LIN9: variants seen among roughly 807,000 people sequenced by gnomAD.
LIN9 encodes protein lin-9 homolog.
A neutral mutation model predicts 78.0 loss-of-function variants in LIN9; 18 were observed. The ratio of observed to expected loss-of-function variants is 0.23; its 90% CI spans 0.16 to 0.34. The LOEUF is 0.34. Among genes scored for constraint, LIN9 ranks in the 10% least tolerant of loss-of-function variants. The probability of loss-of-function intolerance (pLI) is 1.00; values close to 1 mark genes in which losing one functional copy is unlikely to be tolerated. For synonymous variants in LIN9, 192 were observed against 215.2 expected, an observed-to-expected ratio of 0.89 and a Z score of 0.94; for missense variants, 451 against 644.1, an observed-to-expected ratio of 0.70 and a Z score of 3.25.
chr1:226,300,056 A>G lies in LIN9; in HGVS notation c.64+1117T>C, dbSNP rs1221673013. Among the ~76,000 whole-genome samples, 3 of 151,944 alleles carry G rather than the reference A, an allele frequency of 2.0e-5. 1 individual carries two copies. Among genetic ancestry groups the G allele is most frequent in the Non-Finnish European group, 1.5e-5 (1 of 67,966 alleles). On this transcript the variant is annotated intron_variant, in intron 2 of 14. Transcript: ENST00000681046. The stretch of plus-strand genomic sequence containing the variant: ...CAGGTTCAAACAATTCTCCTGCCTC[A>G]GCCTCTCAAGTAGCTGGGATTATAG...
chr1:226,269,335 T>G (rs1187667965), intron 7 of LIN9, among the ~76,000 whole-genome samples: 1 of 152,150 alleles, frequency 6.6e-6, no homozygotes, highest in African/African-American at 2.4e-5. Context: ...TAAACAAATA[T>G]AAGCATAGAA....
At chr1:226,238,048 T>C (rs1433151025) in intron 12 of LIN9, among the ~76,000 whole-genome samples, 1 of 152,090 alleles carries the variant, frequency 6.6e-6, no homozygotes, top group East Asian at 1.9e-4. Flanking sequence ...CATTTTAAAC[T>C]CAACTGAATC....
intron 7 of LIN9, among the ~76,000 whole-genome samples, chr1:226,268,720 G>T (rs1243413009): frequency 6.6e-6 from 1 of 152,156 alleles, no homozygotes; most frequent in African/African-American, 2.4e-5. Flanking sequence ...GTAGAACTCT[G>T]GTCACTGAGT....
At chr1:226,281,749 A>T (rs914034386) in intron 6 of LIN9, among the ~76,000 whole-genome samples, 2 of 146,978 alleles carry the variant, frequency 1.4e-5, no homozygotes, top group Non-Finnish European at 3.0e-5. Flanking sequence ...GCTGGAGTGC[A>T]GTGGTGTGAT....
At chr1:226,248,228 A>G (rs1558160986) in intron 11 of LIN9, among the ~76,000 whole-genome samples, 1 of 152,240 alleles carries the variant, frequency 6.6e-6, no homozygotes, top group Non-Finnish European at 1.5e-5. Context: ...GGGAACAAGG[A>G]GAAAGACCTT....
At chr1:226,244,034 C>T (rs1658299762) in intron 11 of LIN9, among the ~76,000 whole-genome samples, 1 of 151,522 alleles carries the variant, frequency 6.6e-6, no homozygotes, top group East Asian at 2.1e-4. Flanking sequence ...GCTACCTGCG[C>T]CGGGCTAAGT....
chr1:226,255,004 G>A (rs936795685), intron 10 of LIN9, among the ~76,000 whole-genome samples: 3 of 151,168 alleles, frequency 2.0e-5, no homozygotes, highest in African/African-American at 7.3e-5. Flanking sequence ...TGGAAAGAAT[G>A]AAAGGCAAGT....
At chr1:226,259,925 T>A (rs1410413496) in intron 10 of LIN9, among the ~76,000 whole-genome samples, 1 of 131,880 alleles carries the variant, frequency 7.6e-6, no homozygotes, top group African/African-American at 2.8e-5. Flanking sequence ...AGAGCAGAAA[T>A]CAATAAAATT....
Position 226,272,381 on chromosome 1 carries a change from C to CTT in LIN9, c.683-4293_683-4292dup, listed in dbSNP as rs570128823. 7.0e-4 allele frequency among the ~76,000 whole-genome samples: 88 copies of CTT among 125,942 alleles called. No individual in the cohort carries two copies. The East Asian group carries it at 0.013, about 19-fold the overall frequency. 82.6% of individuals were successfully genotyped at this position (125,942 alleles called of 152,430 possible). A position where few individuals can be genotyped will look rare whatever the true frequency, so the allele number is the denominator to read the frequency against. ...AATCATTACTTTTTAATTGAAGTGG[C>CTT]TTTTTTTTTTTTTTTTGAGACAGAG... On this transcript the variant is annotated intron_variant, in intron 7 of 14. Coordinates refer to ENST00000681046, the MANE Select transcript of LIN9 (RefSeq NM_001366245.2).
At chr1:226,247,536 T>G (rs1352119290) in intron 11 of LIN9, among the ~76,000 whole-genome samples, 3 of 152,198 alleles carry the variant, frequency 2.0e-5, no homozygotes, top group Non-Finnish European at 2.9e-5. Flanking sequence ...GAATGCCACT[T>G]AGCTTCTCAG....
intron 3 of LIN9, among the ~76,000 whole-genome samples, 185 bp downstream of exon 3, chr1:226,297,534 G>A (rs1032283563): frequency 1.3e-5 from 2 of 152,146 alleles, no homozygotes; most frequent in Non-Finnish European, 2.9e-5. Flanking sequence ...AATGCTTACT[G>A]ATGACCAGAT....
chr1:226,250,079 C>T (rs1330505077), intron 11 of LIN9, among the ~76,000 whole-genome samples: 2 of 150,510 alleles, frequency 1.3e-5, no homozygotes, highest in Non-Finnish European at 2.9e-5. Flanking sequence ...CTGAGGCAGG[C>T]GAATCACTTG....
chr1:226,237,348 T>C (rs1184689178), intron 12 of LIN9, among the ~76,000 whole-genome samples: 1 of 152,126 alleles, frequency 6.6e-6, no homozygotes, highest in Non-Finnish European at 1.5e-5. Flanking sequence ...AAAAATCTGA[T>C]ATTGCTGGGC....
chr1:226,299,221 G>C (rs902064573), intron 2 of LIN9, among the ~76,000 whole-genome samples: 1 of 151,910 alleles, frequency 6.6e-6, no homozygotes, highest in Non-Finnish European at 1.5e-5. Flanking sequence ...AGATGAATGA[G>C]TGCCGGGTGC....
At position 226,239,048 on chromosome 1, in the gene LIN9, T is replaced by C. The variant is rs149356682; in HGVS notation, c.1168A>G (p.Thr390Ala). ...ISIEFQRRYA[T>A]IVLELEQLNK... Reference sequence around the variant, plus strand: ...AGCTGTTCAAGCTCCAGAACAATTGTTGCATATCTCCGCTGAAATTCAATG... The same window carrying C: ...AGCTGTTCAAGCTCCAGAACAATTGCTGCATATCTCCGCTGAAATTCAATG... Residue 390 changes from threonine (T) to alanine (A), a missense_variant, in exon 12 of 15, where the codon ACA becomes GCA. Coordinates refer to ENST00000681046, the MANE Select transcript of LIN9 (RefSeq NM_001366245.2). 3.7e-6 allele frequency: 6 copies of C among 1,613,720 alleles called. No homozygotes were observed. Among genetic ancestry groups the C allele is most frequent in the Non-Finnish European group, 5.1e-6 (6 of 1,179,874 alleles).
In LIN9 at chr1:226,265,508, C is replaced by T. The variant is rs111392191; in HGVS notation, c.1038+25G>A. ...AGGCATTGAGTTTTTAAACAAACAG[C>T]CAAGATATTCAGAACAATTCTTACC... On this transcript the variant is annotated intron_variant, in intron 10 of 14. Coordinates refer to ENST00000681046, the MANE Select transcript of LIN9 (RefSeq NM_001366245.2). The surrounding 1 kb of genome is among the most constrained non-coding windows in gnomAD (Gnocchi z 4.1). 2.8e-6 allele frequency: 4 copies of T among 1,442,286 alleles called. No individual in the cohort carries two copies. Among genetic ancestry groups the T allele is most frequent in the Non-Finnish European group, 3.9e-6 (4 of 1,033,098 alleles). The allele number at this position is 1,442,286 out of a possible 1,614,324, so 89.3% of individuals were successfully genotyped here. A position where few individuals can be genotyped will look rare whatever the true frequency, so the allele number is the denominator to read the frequency against.
intron 5 of LIN9, among the ~76,000 whole-genome samples, 163 bp downstream of exon 5, chr1:226,287,501 C>G (rs1661446318): frequency 1.3e-5 from 2 of 151,904 alleles, no homozygotes; most frequent in African/African-American, 4.8e-5. Context: ...GGGAAGAAAA[C>G]TATGACAAAT....
At chr1:226,262,718 C>A (rs1659668117) in intron 10 of LIN9, among the ~76,000 whole-genome samples, 1 of 152,218 alleles carries the variant, frequency 6.6e-6, no homozygotes, top group South Asian at 2.1e-4. Context: ...CTTTAGAACA[C>A]AGCTTGTCAG....
intron 7 of LIN9, among the ~76,000 whole-genome samples, chr1:226,269,574 C>T (rs1367290737): frequency 6.6e-6 from 1 of 152,156 alleles, no homozygotes; most frequent in Non-Finnish European, 1.5e-5. Flanking sequence ...ACTACTACCA[C>T]CAACGTGGTC....
Sources: gnomAD v4.1 joint callset for allele counts (sites outside exome capture counted in the v4.1 genomes callset) on GRCh38, gnomAD v4.1.1 for gene constraint, Gnocchi (gnomAD v3.1) non-coding constraint, MANE v1.5 for transcripts, NCBI Gene and HGNC (gene_info 2026-07-23, HGNC 2026-07-21) for gene names.